The following EBF1 variants were observed in gnomAD, a reference collection of about 807,000 sequenced individuals.
EBF1 encodes the protein transcription factor COE1.
EBF1 carries 10 observed loss-of-function variants against 68.4 expected under a neutral mutation model. The ratio of observed to expected loss-of-function variants is 0.15; its 90% CI spans 0.09 to 0.25. The LOEUF is 0.25. Among genes scored for constraint, EBF1 ranks in the 10% least tolerant of loss-of-function variants. The pLI is 1.00. For missense variants in EBF1, 509 were observed against 794.4 expected (o/e 0.64, Z 4.32); for synonymous variants, 298 against 299.8 (o/e 0.99, Z 0.06).
intron 6 of EBF1, among the ~76,000 whole-genome samples, chr5:159,001,276 A>G (rs886745255): frequency 1.3e-5 from 2 of 152,068 alleles, no homozygotes. Flanking sequence ...ATTTTTTTTA[A>G]TTTCTCATTT....
intron 6 of EBF1, among the ~76,000 whole-genome samples, chr5:159,023,008 G>A (rs1198393108): frequency 6.6e-6 from 1 of 152,106 alleles, no homozygotes; most frequent in African/African-American, 2.4e-5. Context: ...GCCCTGAATT[G>A]AGACCTTGCC....
intron 11 of EBF1, among the ~76,000 whole-genome samples, chr5:158,721,986 C>T (rs1429551976): frequency 2.6e-5 from 4 of 151,910 alleles, no homozygotes; most frequent in South Asian, 2.1e-4. Context: ...GGGTGCTTCC[C>T]GCCACAGATA....
At chr5:158,901,439 G>C (rs773547955) in intron 6 of EBF1, among the ~76,000 whole-genome samples, 1 of 152,152 alleles carries the variant, frequency 6.6e-6, no homozygotes, top group South Asian at 2.1e-4. Context: ...CCACTCAATG[G>C]GTAGTCAACA....
chr5:158,758,307 T>G (rs1408914522), intron 10 of EBF1, among the ~76,000 whole-genome samples: 1 of 152,154 alleles, frequency 6.6e-6, no homozygotes, highest in East Asian at 1.9e-4. Context: ...ACAGTGACAG[T>G]CACAAGTTTG....
At chr5:158,823,348 T>A in intron 7 of EBF1, 31 bp from the exon 8 acceptor site, 1 of 1,583,714 alleles carries the variant, frequency 6.3e-7, no homozygotes, top group South Asian at 1.2e-5. Context: ...TGAATGAACA[T>A]TTTAATATAA....
intron 8 of EBF1, among the ~76,000 whole-genome samples, chr5:158,809,691 TA>T (rs1169833976): frequency 1.3e-5 from 2 of 152,268 alleles, no homozygotes; most frequent in East Asian, 3.9e-4. Flanking sequence ...ACATTGAAAA[TA>T]CTGCCAAACT....
chr5:158,834,971 G>A (rs1788427348), intron 7 of EBF1, among the ~76,000 whole-genome samples: 1 of 152,156 alleles, frequency 6.6e-6, no homozygotes, highest in African/African-American at 2.4e-5. Context: ...AAGCCACATT[G>A]ACATGTAAGG....
chr5:158,829,615 A>G (rs536256240), intron 7 of EBF1, among the ~76,000 whole-genome samples: 1 of 152,258 alleles, frequency 6.6e-6, no homozygotes, highest in African/African-American at 2.4e-5. Flanking sequence ...AGAAGGTATT[A>G]TATTTCTGTA....
intron 6 of EBF1, among the ~76,000 whole-genome samples, chr5:158,950,071 A>G (rs1561603185): frequency 6.6e-6 from 1 of 152,218 alleles, no homozygotes; most frequent in Non-Finnish European, 1.5e-5. Flanking sequence ...AGTAACATCA[A>G]AAGTTTCAGG....
intron 7 of EBF1, among the ~76,000 whole-genome samples, chr5:158,834,979 A>C (rs1788429711): frequency 6.6e-6 from 1 of 152,242 alleles, no homozygotes. Context: ...TTGACATGTA[A>C]GGAGGAGACC....
intron 8 of EBF1, among the ~76,000 whole-genome samples, chr5:158,796,776 A>T (rs1779678541): frequency 6.6e-6 from 1 of 152,090 alleles, no homozygotes; most frequent in African/African-American, 2.4e-5. Context: ...AATGCTAAGG[A>T]TTTTTTTCTT....
At chr5:158,874,139 G>A (rs1040451504) in intron 6 of EBF1, among the ~76,000 whole-genome samples, 4 of 152,214 alleles carry the variant, frequency 2.6e-5, no homozygotes, top group African/African-American at 9.6e-5. Context: ...AGCAGATTAT[G>A]AGCTGCCATG....
At chr5:158,943,309 C>A (rs1813881084) in intron 6 of EBF1, among the ~76,000 whole-genome samples, 4 of 147,148 alleles carry the variant, frequency 2.7e-5, no homozygotes. Flanking sequence ...TCATTCACTT[C>A]ATTTAGCAAG....
At chr5:158,919,472 A>G (rs1292763603) in intron 6 of EBF1, among the ~76,000 whole-genome samples, 1 of 152,214 alleles carries the variant, frequency 6.6e-6, no homozygotes, top group East Asian at 1.9e-4. Flanking sequence ...GGAAAACAAC[A>G]GAGAAACATA....
intron 6 of EBF1, among the ~76,000 whole-genome samples, chr5:159,041,251 T>TG (rs1387197276): frequency 6.6e-6 from 1 of 152,236 alleles, no homozygotes; most frequent in Admixed American, 6.5e-5. Flanking sequence ...AAACACTGCA[T>TG]GGAAAAGGCA....
intron 6 of EBF1, among the ~76,000 whole-genome samples, chr5:158,871,451 CTAA>C (rs942766976): frequency 6.6e-6 from 1 of 152,046 alleles, no homozygotes; most frequent in Non-Finnish European, 1.5e-5. Flanking sequence ...GAATATTTAC[CTAA>C]TAATAATAAT....
chr5:158,862,695 C>T (rs1174704409), intron 6 of EBF1, among the ~76,000 whole-genome samples: 1 of 152,022 alleles, frequency 6.6e-6, no homozygotes, highest in East Asian at 1.9e-4. Context: ...ATTTTTTAAG[C>T]GATCTCTGCT....
chr5:159,077,434 CAAAAAGA>C (rs1270970890), intron 5 of EBF1, among the ~76,000 whole-genome samples: 1 of 151,942 alleles, frequency 6.6e-6, no homozygotes, highest in Non-Finnish European at 1.5e-5. Flanking sequence ...AACTCCGTCT[CAAAAAGA>C]AAAAAGAAAG....
chr5:158,718,179 T>C (rs1310722696), intron 11 of EBF1, among the ~76,000 whole-genome samples: 1 of 152,210 alleles, frequency 6.6e-6, no homozygotes. Context: ...TCTGTCATCA[T>C]ATGTGGATCT....
Sources: allele counts gnomAD v4.1 joint callset (sites outside exome capture counted in the v4.1 genomes callset), GRCh38; gene constraint gnomAD v4.1.1; transcripts MANE v1.5; gene names NCBI Gene and HGNC (gene_info 2026-07-23, HGNC 2026-07-21).